Variants in MAGI2 observed in about 807,000 individuals in gnomAD.
MAGI2 encodes membrane associated guanylate kinase, WW and PDZ domain containing 2, also known as membrane-associated guanylate kinase, WW and PDZ domain-containing protein 2.
MAGI2 carries 35 observed loss-of-function variants against 133.3 expected under a neutral mutation model. The ratio of observed to expected loss-of-function variants is 0.26; its 90% CI spans 0.20 to 0.35. MAGI2 has a LOEUF of 0.35. Among genes scored for constraint, MAGI2 ranks in the 10% least tolerant of loss-of-function variants. The pLI, the probability that MAGI2 is intolerant of heterozygous loss-of-function variation, is 1.00. For synonymous variants in MAGI2, 729 were observed against 710.6 expected (o/e 1.03, Z -0.41); for missense variants, 1,636 against 1,863.4 (o/e 0.88, Z 2.25).
intron 1 of MAGI2, among the ~76,000 whole-genome samples, chr7:79,173,385 G>C (rs1311534631): frequency 6.6e-6 from 1 of 151,916 alleles, no homozygotes; most frequent in Non-Finnish European, 1.5e-5. Flanking sequence ...GAGTGCAATG[G>C]CACGATCATA....
At chr7:79,438,367 C>T (rs922222860) in intron 1 of MAGI2, among the ~76,000 whole-genome samples, 4 of 152,048 alleles carry the variant, frequency 2.6e-5, no homozygotes, top group African/African-American at 4.8e-5. Context: ...ATCTTTAATT[C>T]CAATGCCTAA....
At chr7:79,120,499 C>T (rs916420793) in intron 1 of MAGI2, among the ~76,000 whole-genome samples, 6 of 151,988 alleles carry the variant, frequency 3.9e-5, no homozygotes, top group Admixed American at 3.9e-4. Context: ...TACATATACA[C>T]ACACATAAAC....
In MAGI2 at chr7:79,453,573, C is replaced by T; in HGVS notation, c.-253G>A. On this transcript the variant is annotated 5_prime_UTR_variant, in exon 1 of 22. Coordinates refer to ENST00000354212, the MANE Select transcript of MAGI2 (RefSeq NM_012301.4). The stretch of plus-strand genomic sequence containing the variant: ...GCTGTCCCTTGAATGACACTCAAGG[C>T]TGTGGCCCCGCAGCAGAGGAAGCAG... 1.7e-6 allele frequency: 2 copies of T among 1,178,238 alleles called. No homozygotes were observed. Among genetic ancestry groups the T allele is most frequent in the Non-Finnish European group, 2.1e-6 (2 of 953,340 alleles). The allele number at this position is 1,178,238 out of a possible 1,614,324, so 73.0% of individuals were successfully genotyped here. A position where few individuals can be genotyped will look rare whatever the true frequency, so the allele number is the denominator to read the frequency against.
chr7:79,135,987 G>T (rs1821388321), intron 1 of MAGI2, among the ~76,000 whole-genome samples: 1 of 37,972 alleles, frequency 2.6e-5, no homozygotes, highest in Non-Finnish European at 1.0e-4. Context: ...AAGAAAGAAA[G>T]AAAGAAAGAA....
intron 21 of MAGI2, among the ~76,000 whole-genome samples, chr7:78,033,062 A>C (rs564687674): frequency 1.3e-5 from 2 of 152,300 alleles, no homozygotes; most frequent in South Asian, 4.1e-4. Flanking sequence ...AGGTGGAATC[A>C]AGAACAGCAG....
chr7:79,071,634 T>A (rs2117162316), intron 1 of MAGI2, among the ~76,000 whole-genome samples: 1 of 152,108 alleles, frequency 6.6e-6, no homozygotes, highest in Non-Finnish European at 1.5e-5. Context: ...CAATTTTTTT[T>A]TTTTTTTTCC....
At chr7:78,434,039 C>A (rs1396835667) in intron 6 of MAGI2, among the ~76,000 whole-genome samples, 1 of 152,116 alleles carries the variant, frequency 6.6e-6, no homozygotes, top group African/African-American at 2.4e-5. Context: ...CCTCCATATT[C>A]TCTCTTTGCT....
chr7:79,011,725 G>A, intron 1 of MAGI2, among the ~76,000 whole-genome samples: 1 of 152,112 alleles, frequency 6.6e-6, no homozygotes, highest in East Asian at 1.9e-4. Flanking sequence ...CTACTCTAAT[G>A]TTCTAATCAT....
At chr7:78,877,877 A>G (rs1166443203) in intron 2 of MAGI2, among the ~76,000 whole-genome samples, 3 of 152,176 alleles carry the variant, frequency 2.0e-5, no homozygotes, top group Non-Finnish European at 2.9e-5. Flanking sequence ...TGACTTGCCT[A>G]AAAGTACTTA....
chr7:78,702,551 A>G (rs1359492756), intron 2 of MAGI2, among the ~76,000 whole-genome samples: 1 of 152,012 alleles, frequency 6.6e-6, no homozygotes, highest in Non-Finnish European at 1.5e-5. Flanking sequence ...ATGTGAAATA[A>G]TTAGAACAAT....
At chr7:78,971,920 G>A (rs1456265994) in intron 2 of MAGI2, among the ~76,000 whole-genome samples, 1 of 151,840 alleles carries the variant, frequency 6.6e-6, no homozygotes, top group Non-Finnish European at 1.5e-5. Flanking sequence ...TTATAAAGTA[G>A]AAATGTATTC....
chr7:78,743,476 T>C (rs1298754813), intron 2 of MAGI2, among the ~76,000 whole-genome samples: 1 of 152,194 alleles, frequency 6.6e-6, no homozygotes. Flanking sequence ...AAGGGTTAAG[T>C]GTTCTTTCTT....
chr7:79,379,050 T>A (rs1316810523), intron 1 of MAGI2, among the ~76,000 whole-genome samples: 1 of 150,180 alleles, frequency 6.7e-6, no homozygotes, highest in Non-Finnish European at 1.5e-5. Context: ...CATGTTGGTG[T>A]GCTGCACCCA....
intron 2 of MAGI2, among the ~76,000 whole-genome samples, chr7:78,630,490 C>T (rs1008586029): frequency 6.9e-6 from 1 of 144,572 alleles, no homozygotes; most frequent in African/African-American, 2.6e-5. Context: ...GATCACGGCT[C>T]ACTGCAACTT....
intron 3 of MAGI2, among the ~76,000 whole-genome samples, chr7:78,532,718 A>G (rs1797569404): frequency 6.6e-6 from 1 of 152,242 alleles, no homozygotes; most frequent in Admixed American, 6.5e-5. Flanking sequence ...AAGTAGTACT[A>G]ACGCATAAGT....
intron 9 of MAGI2, among the ~76,000 whole-genome samples, chr7:78,262,504 A>G (rs798325): frequency 0.55 from 83,945 of 151,860 alleles, 25,839 homozygotes; most frequent in African/African-American, 0.82. Context: ...TTTAGTGCCC[A>G]CTCATAGAGA....
intron 20 of MAGI2, among the ~76,000 whole-genome samples, chr7:78,096,682 A>G (rs1817720359): frequency 6.6e-6 from 1 of 152,162 alleles, no homozygotes; most frequent in Admixed American, 6.5e-5. Context: ...ATTTATTTAC[A>G]TACAGTCTAC....
intron 6 of MAGI2, among the ~76,000 whole-genome samples, chr7:78,440,617 T>C (rs1429678950): frequency 6.6e-6 from 1 of 151,944 alleles, no homozygotes; most frequent in Non-Finnish European, 1.5e-5. Context: ...TATAAAAGTA[T>C]ATGTAGGGGG....
chr7:78,316,179 T>C (rs978800130), intron 9 of MAGI2, among the ~76,000 whole-genome samples: 4 of 152,224 alleles, frequency 2.6e-5, no homozygotes, highest in African/African-American at 9.6e-5. Context: ...CTTTCAGATG[T>C]AAAGGTGTCA....
Sources: allele counts gnomAD v4.1 joint callset (sites outside exome capture counted in the v4.1 genomes callset), GRCh38; gene constraint gnomAD v4.1.1; transcripts MANE v1.5; gene names NCBI Gene and HGNC (gene_info 2026-07-23, HGNC 2026-07-21).